The following NEGR1 variants were observed in gnomAD, a reference collection of about 807,000 sequenced individuals.
NEGR1 encodes the protein neuronal growth regulator 1.
Under a neutral mutation model 40.9 loss-of-function variants are expected in NEGR1, and 10 were observed. The ratio of observed to expected loss-of-function variants is 0.24; its 90% CI spans 0.15 to 0.42. The LOEUF is 0.42. NEGR1 is among the 10% of genes least tolerant of loss of function. NEGR1 has a pLI of 1.00. For synonymous variants in NEGR1, 185 were observed against 166.8 expected (o/e 1.11, Z -0.84); for missense variants, 352 against 438.9 (o/e 0.80, Z 1.77).
intron 4 of NEGR1, among the ~76,000 whole-genome samples, chr1:71,623,272 G>A (rs1056172417): frequency 6.6e-6 from 1 of 151,746 alleles, no homozygotes; most frequent in African/African-American, 2.4e-5. Context: ...TATGTTAAGC[G>A]AATGACATTT....
chr1:72,226,331 T>C (rs1054214475), intron 1 of NEGR1, among the ~76,000 whole-genome samples: 1 of 152,014 alleles, frequency 6.6e-6, no homozygotes, highest in Non-Finnish European at 1.5e-5. Context: ...GTGAGATCAA[T>C]TAGAAATCTT....
chr1:71,494,351 G>C (rs1414007907), intron 6 of NEGR1, among the ~76,000 whole-genome samples: 2 of 152,290 alleles, frequency 1.3e-5, no homozygotes, highest in South Asian at 2.1e-4. Context: ...CTGAAGGCTT[G>C]AGTCAGCTTC....
At chr1:72,150,938 A>C (rs920763777) in intron 1 of NEGR1, among the ~76,000 whole-genome samples, 1 of 152,058 alleles carries the variant, frequency 6.6e-6, no homozygotes, top group African/African-American at 2.4e-5. Flanking sequence ...GTTTTAGGTA[A>C]TGGCCCAACA....
At chr1:71,864,614 C>A (rs1014104325) in intron 2 of NEGR1, among the ~76,000 whole-genome samples, 1 of 152,052 alleles carries the variant, frequency 6.6e-6, no homozygotes, top group Non-Finnish European at 1.5e-5. Flanking sequence ...GCCTTCAAAG[C>A]ACCTTCATCT....
intron 1 of NEGR1, among the ~76,000 whole-genome samples, chr1:72,041,186 C>T (rs761340508): frequency 1.3e-5 from 2 of 151,806 alleles, no homozygotes; most frequent in Non-Finnish European, 2.9e-5. Context: ...CTTTGTATAC[C>T]TGTTATTTGT....
chr1:71,482,497 TAAAC>T (rs1646860799), intron 6 of NEGR1, among the ~76,000 whole-genome samples: 1 of 151,890 alleles, frequency 6.6e-6, no homozygotes, highest in South Asian at 2.1e-4. Context: ...ATCACCATTT[TAAAC>T]AAACCCCAGC....
intron 6 of NEGR1, among the ~76,000 whole-genome samples, chr1:71,585,401 G>T (rs1040768780): frequency 6.6e-6 from 1 of 152,040 alleles, no homozygotes; most frequent in Non-Finnish European, 1.5e-5. Flanking sequence ...AGGCCAGTTT[G>T]ACTCCAAGGG....
At chr1:71,613,374 C>G (rs568797151) in intron 4 of NEGR1, among the ~76,000 whole-genome samples, 12 of 152,136 alleles carry the variant, frequency 7.9e-5, no homozygotes, top group African/African-American at 2.4e-4. Context: ...GGGCTGTGTG[C>G]AGTGGCTCAC....
intron 4 of NEGR1, among the ~76,000 whole-genome samples, chr1:71,655,840 C>T (rs182333134): frequency 5.7e-4 from 87 of 152,244 alleles, no homozygotes; most frequent in Admixed American, 5.0e-3. Flanking sequence ...GTTGCCACAA[C>T]GGTCTATTAG....
chr1:71,480,243 G>A (rs553937352), intron 6 of NEGR1, among the ~76,000 whole-genome samples: 3 of 151,972 alleles, frequency 2.0e-5, no homozygotes, highest in East Asian at 3.9e-4. Flanking sequence ...ACAATCCTGT[G>A]AATCTGGCAA....
At chr1:72,016,771 C>T (rs1045367903) in intron 1 of NEGR1, among the ~76,000 whole-genome samples, 6 of 152,162 alleles carry the variant, frequency 3.9e-5, no homozygotes, top group Admixed American at 2.6e-4. Flanking sequence ...GTTTACCAGA[C>T]GTAATGAGCA....
chr1:71,694,167 CA>C (rs996887387), intron 4 of NEGR1, among the ~76,000 whole-genome samples: 1 of 151,540 alleles, frequency 6.6e-6, no homozygotes, highest in Admixed American at 6.6e-5. Context: ...AACATGAATG[CA>C]AATAAAATGG....
At chr1:72,123,321 C>G (rs1649875564) in intron 1 of NEGR1, among the ~76,000 whole-genome samples, 1 of 151,396 alleles carries the variant, frequency 6.6e-6, no homozygotes, top group Admixed American at 6.6e-5. Context: ...TAGTATAATT[C>G]ATGCAACTGT....
chr1:71,779,274 A>C (rs189371285), intron 2 of NEGR1, among the ~76,000 whole-genome samples: 3 of 152,230 alleles, frequency 2.0e-5, no homozygotes, highest in African/African-American at 4.8e-5. Flanking sequence ...ACTGACTATC[A>C]TGAAGGGAAT....
intron 2 of NEGR1, among the ~76,000 whole-genome samples, chr1:71,917,342 G>A (rs1403845310): frequency 6.6e-6 from 1 of 152,138 alleles, no homozygotes; most frequent in East Asian, 1.9e-4. Context: ...ATTTGTGTCT[G>A]AAATATATAG....
At chr1:71,531,013 A>G (rs1335432321) in intron 6 of NEGR1, among the ~76,000 whole-genome samples, 2 of 151,302 alleles carry the variant, frequency 1.3e-5, no homozygotes, top group Non-Finnish European at 3.0e-5. Flanking sequence ...TAATAACTCC[A>G]TGTACTAGGT....
chr1:71,462,343 TAGA>T (rs1285456056), intron 6 of NEGR1, among the ~76,000 whole-genome samples: 1 of 152,124 alleles, frequency 6.6e-6, no homozygotes, highest in Non-Finnish European at 1.5e-5. Flanking sequence ...CAGACCCTTT[TAGA>T]AGAAGAGCCC....
intron 1 of NEGR1, among the ~76,000 whole-genome samples, chr1:72,049,137 C>A (rs781719232): frequency 8.6e-5 from 13 of 151,202 alleles, no homozygotes; most frequent in Admixed American, 6.0e-4. Context: ...CCAGCCTAGG[C>A]AACACAGCAA....
At chr1:71,954,400 A>G (rs1646099482) in intron 1 of NEGR1, among the ~76,000 whole-genome samples, 1 of 152,026 alleles carries the variant, frequency 6.6e-6, no homozygotes, top group Non-Finnish European at 1.5e-5. Flanking sequence ...ATATTATTAA[A>G]AAAAAGTTTA....
Sources: allele counts gnomAD v4.1 joint callset (sites outside exome capture counted in the v4.1 genomes callset), GRCh38; gene constraint gnomAD v4.1.1; transcripts MANE v1.5; gene names NCBI Gene and HGNC (gene_info 2026-07-23, HGNC 2026-07-21).